The following PRKAR1A variants were observed in gnomAD, a reference collection of about 807,000 sequenced individuals.
PRKAR1A encodes the protein cAMP-dependent protein kinase type I-alpha regulatory subunit.
In PRKAR1A, 3 loss-of-function variants were observed where a neutral mutation model predicts 52.0. The ratio of observed to expected loss-of-function variants is 0.06; its 90% CI spans 0.03 to 0.15. The LOEUF is 0.15. Among genes scored for constraint, PRKAR1A ranks in the 10% least tolerant of loss-of-function variants. The pLI is 1.00. For missense variants in PRKAR1A, 240 were observed against 477.4 expected (o/e 0.50, Z 4.63); for synonymous variants, 188 against 168.4 (o/e 1.12, Z -0.90).
the PRKAR1A span, chr17:68,424,580 C>A: frequency 2.0e-6 from 1 of 508,800 alleles, no homozygotes; most frequent in South Asian, 1.5e-5. Flanking sequence ...AGTCTTGGCC[C>A]AAACACTACT....
At chr17:68,431,468 A>G in the PRKAR1A span, among the ~76,000 whole-genome samples, 1 of 152,128 alleles carries the variant, frequency 6.6e-6, no homozygotes, top group Non-Finnish European at 1.5e-5. Flanking sequence ...TGGGCTCTGC[A>G]GCAGGTCTGA....
At chr17:68,438,940 T>C in the PRKAR1A span, among the ~76,000 whole-genome samples, 1 of 152,142 alleles carries the variant, frequency 6.6e-6, no homozygotes, top group Admixed American at 6.5e-5. Flanking sequence ...AAAAACACGA[T>C]GAGATACCAC....
At chr17:68,479,542 T>A in the PRKAR1A span, among the ~76,000 whole-genome samples, 1 of 152,208 alleles carries the variant, frequency 6.6e-6, no homozygotes, top group Admixed American at 6.5e-5. Flanking sequence ...TCATTGAGAA[T>A]ATGTTATTTT....
intron 9 of PRKAR1A, among the ~76,000 whole-genome samples, chr17:68,529,297 T>G (rs2085891178): frequency 6.6e-6 from 1 of 152,226 alleles, no homozygotes; most frequent in Non-Finnish European, 1.5e-5. Context: ...TCTGCACTAT[T>G]CTTGTTAAAA....
the PRKAR1A span, chr17:68,434,736 G>T: frequency 2.8e-6 from 3 of 1,069,194 alleles, no homozygotes; most frequent in Non-Finnish European, 4.1e-6. Context: ...CTCTGAGGAG[G>T]AAGAACACCA....
At chr17:68,493,016 G>A in the PRKAR1A span, among the ~76,000 whole-genome samples, 2 of 151,992 alleles carry the variant, frequency 1.3e-5, no homozygotes, top group Non-Finnish European at 2.9e-5. Context: ...ATATTCCTTT[G>A]GGTATATACC....
chr17:68,515,654 A>G, intron 2 of PRKAR1A, 78 bp downstream of exon 2: 4 of 1,488,042 alleles, frequency 2.7e-6, no homozygotes, highest in Non-Finnish European at 9.2e-7. Flanking sequence ...ACTAATTTGT[A>G]TTTTTTGGAA....
At chr17:68,545,143 C>T (rs1425158164) in intron 11 of PRKAR1A, among the ~76,000 whole-genome samples, 1 of 152,132 alleles carries the variant, frequency 6.6e-6, no homozygotes, top group African/African-American at 2.4e-5. Flanking sequence ...TCAAGAGATA[C>T]ATTTTAAAAT....
chr17:68,545,673 G>T (rs1192775243), intron 11 of PRKAR1A, among the ~76,000 whole-genome samples: 2 of 152,180 alleles, frequency 1.3e-5, no homozygotes, highest in African/African-American at 2.4e-5. Flanking sequence ...TCTGTAGCAC[G>T]CAATGCTGTT....
intron 2 of PRKAR1A, chr17:68,515,943 G>A (rs16972996): frequency 0.16 from 37,841 of 229,624 alleles, 3,633 homozygotes; most frequent in African/African-American, 0.28. Flanking sequence ...TGCTCCTCCC[G>A]TTTTGAACAA....
chr17:68,546,205 C>A, intron 11 of PRKAR1A, among the ~76,000 whole-genome samples: 1 of 144,150 alleles, frequency 6.9e-6, no homozygotes, highest in Non-Finnish European at 1.5e-5. Flanking sequence ...AGCAGCAACT[C>A]TATCTGTTCA....
chr17:68,413,839 G>C, the PRKAR1A span: 1 of 153,050 alleles, frequency 6.5e-6, no homozygotes, highest in Non-Finnish European at 1.5e-5. Context: ...TAAGCCTGTC[G>C]GAAAAGCGCA....
chr17:68,435,221 A>AT, the PRKAR1A span, among the ~76,000 whole-genome samples: 1 of 151,646 alleles, frequency 6.6e-6, no homozygotes, highest in Admixed American at 6.6e-5. Context: ...AAAAAAAAAA[A>AT]ATTCAATTGG....
the PRKAR1A span, among the ~76,000 whole-genome samples, chr17:68,463,719 C>T: frequency 1.3e-5 from 2 of 152,114 alleles, no homozygotes; most frequent in African/African-American, 4.8e-5. Context: ...GTTATGCAGT[C>T]ATATGGGAAA....
the PRKAR1A span, among the ~76,000 whole-genome samples, chr17:68,458,885 T>C: frequency 2.6e-5 from 4 of 152,216 alleles, no homozygotes; most frequent in South Asian, 2.1e-4. Context: ...ATTGCGGTTT[T>C]CCCCATTTCC....
downstream of PRKAR1A, chr17:68,536,259 G>A (rs1024827097): frequency 2.2e-6 from 1 of 454,020 alleles, no homozygotes; most frequent in African/African-American, 2.0e-5. Flanking sequence ...TACAGTATTT[G>A]AACTCTGGCC....
chr17:68,493,040 G>A, the PRKAR1A span, among the ~76,000 whole-genome samples: 1 of 151,682 alleles, frequency 6.6e-6, no homozygotes, highest in Admixed American at 6.6e-5. Flanking sequence ...TGATGGGATT[G>A]CTGGTCAAAT....
Position 68,532,843 on chromosome 17 carries a change from G to A in PRKAR1A, c.*2394G>A, listed in dbSNP as rs1243639114. The A allele has an allele frequency of 2.8e-6, 3 of 1,066,260 alleles. No individual in the cohort carries two copies. Among genetic ancestry groups the A allele is most frequent in the Middle Eastern group, 4.1e-4 (1 of 2,422 alleles). 66.0% of individuals were successfully genotyped at this position (1,066,260 alleles called of 1,614,324 possible). ...TCCTTCCCCGAAAGTCTACTCGGGT[G>A]GGCAAAAATGAAAAGGGGGAAAGTG... On this transcript the variant is annotated 3_prime_UTR_variant, in exon 11 of 11. Coordinates refer to ENST00000589228, the MANE Select transcript of PRKAR1A (RefSeq NM_002734.5).
intron 11 of PRKAR1A, chr17:68,542,936 A>C (rs1371564400): frequency 2.7e-6 from 2 of 736,732 alleles, no homozygotes; most frequent in Non-Finnish European, 4.9e-6. Context: ...GTGAGGCGTG[A>C]CTCTGCACTG....
Sources: gnomAD v4.1 joint callset for allele counts (sites outside exome capture counted in the v4.1 genomes callset) on GRCh38, gnomAD v4.1.1 for gene constraint, MANE v1.5 for transcripts, NCBI Gene and HGNC (gene_info 2026-07-23, HGNC 2026-07-21) for gene names.